GOSR1: variants seen among roughly 807,000 people sequenced by gnomAD.
GOSR1 encodes the protein 28 kDa Golgi SNARE protein.
In GOSR1, 21 loss-of-function variants were observed where a neutral mutation model predicts 35.5. That is an observed-to-expected ratio of 0.59 (90% confidence interval 0.42 to 0.85). GOSR1 has a LOEUF of 0.85. GOSR1 is among the 40% of genes least tolerant of loss of function. GOSR1 has a pLI of 0.00. For synonymous variants in GOSR1, 94 were observed against 106.6 expected, an observed-to-expected ratio of 0.88 and a Z score of 0.73; for missense variants, 285 against 309.6, an observed-to-expected ratio of 0.92 and a Z score of 0.60.
At chr17:30,492,279 T>C (rs889902745) in intron 5 of GOSR1, among the ~76,000 whole-genome samples, 1 of 152,230 alleles carries the variant, frequency 6.6e-6, no homozygotes, top group Non-Finnish European at 1.5e-5. Flanking sequence ...ACATATATTA[T>C]TGTGAAAGAA....
intron 6 of GOSR1, among the ~76,000 whole-genome samples, chr17:30,496,160 A>C (rs1295188924): frequency 6.6e-6 from 1 of 152,152 alleles, no homozygotes; most frequent in African/African-American, 2.4e-5. Flanking sequence ...TGTCCTGAGA[A>C]GGCCAATACG....
chr17:30,512,575 A>G (rs1471866568), intron 7 of GOSR1, among the ~76,000 whole-genome samples: 1 of 152,194 alleles, frequency 6.6e-6, no homozygotes, highest in Non-Finnish European at 1.5e-5. Flanking sequence ...GTCTTTTATA[A>G]CAGTAAGCCA....
At chr17:30,491,650 C>T (rs1915051493) in intron 5 of GOSR1, among the ~76,000 whole-genome samples, 2 of 151,488 alleles carry the variant, frequency 1.3e-5, no homozygotes, top group South Asian at 4.2e-4. Context: ...CAGAGCAAGA[C>T]TCTGTCTAAA....
intron 1 of GOSR1, chr17:30,480,189 C>A (rs964063940): frequency 7.9e-5 from 12 of 151,986 alleles, no homozygotes; most frequent in African/African-American, 2.9e-4. Context: ...TGCCTGTAGT[C>A]CCAGCTACTT....
intron 7 of GOSR1, among the ~76,000 whole-genome samples, chr17:30,511,399 A>G (rs1967608177): frequency 6.6e-6 from 1 of 152,218 alleles, no homozygotes. Context: ...GGTTTGATGA[A>G]TTTTAAAGTA....
At chr17:30,517,499 A>C (rs1041065463) in intron 7 of GOSR1, among the ~76,000 whole-genome samples, 2 of 152,216 alleles carry the variant, frequency 1.3e-5, no homozygotes, top group Admixed American at 1.3e-4. Flanking sequence ...TCGTGTTAAT[A>C]GAAATAATAC....
chr17:30,490,134 A>G lies in GOSR1; in HGVS notation c.351A>G (p.Thr117=), dbSNP rs369279587. Residue 117 remains threonine (T), a synonymous_variant, in exon 5 of 9, where the codon ACA becomes ACG. Transcript: ENST00000451249. ...QRHRDILQDY[T]HEFHKTKANF... ...ATGTTGATTTATTACAGGATTATAC[A>G]CATGAATTCCATAAAACCAAAGCAA... 5.5e-6 allele frequency: 8 copies of G among 1,461,260 alleles called. No homozygotes were observed. In the East Asian group the frequency reaches 1.8e-4, roughly 33 times the overall value. The allele number at this position is 1,461,260 out of a possible 1,614,324, so 90.5% of individuals were successfully genotyped here.
intron 6 of GOSR1, among the ~76,000 whole-genome samples, chr17:30,499,588 G>A (rs555120062): frequency 6.6e-6 from 1 of 152,256 alleles, no homozygotes; most frequent in South Asian, 2.1e-4. Flanking sequence ...TGATCCACCC[G>A]CCTTGGCCTC....
chr17:30,519,531 TTTATAA>T (rs1291894830), intron 7 of GOSR1, among the ~76,000 whole-genome samples: 3 of 152,196 alleles, frequency 2.0e-5, no homozygotes, highest in Non-Finnish European at 4.4e-5. Flanking sequence ...CTTTTCTATT[TTTATAA>T]TTATAATTCC....
intron 7 of GOSR1, among the ~76,000 whole-genome samples, chr17:30,516,455 G>A (rs1954373639): frequency 1.6e-5 from 2 of 121,370 alleles, no homozygotes; most frequent in African/African-American, 6.6e-5. Context: ...GGGTGACAGA[G>A]CAAGACTCCG....
intron 5 of GOSR1, among the ~76,000 whole-genome samples, chr17:30,491,766 A>AT (rs1310099295): frequency 1.3e-5 from 2 of 152,050 alleles, no homozygotes; most frequent in East Asian, 1.9e-4. Context: ...AATGTATTAT[A>AT]TTTTTTTGGC....
At chr17:30,517,122 A>G (rs895884649) in intron 7 of GOSR1, among the ~76,000 whole-genome samples, 1 of 152,184 alleles carries the variant, frequency 6.6e-6, no homozygotes, top group African/African-American at 2.4e-5. Flanking sequence ...GTGTGTGTGT[A>G]GCTTCAGATG....
At chr17:30,514,209 T>C (rs1024213357) in intron 7 of GOSR1, among the ~76,000 whole-genome samples, 38 of 152,332 alleles carry the variant, frequency 2.5e-4, no homozygotes, top group African/African-American at 9.1e-4. Context: ...TATTGTGTGG[T>C]TGACATCGCT....
In GOSR1 at chr17:30,522,270, A is replaced by G; in HGVS notation, c.639A>G (p.Val213=). 1 of 1,605,610 alleles carries G rather than the reference A, an allele frequency of 6.2e-7. No homozygotes were observed. The highest frequency in any genetic ancestry group is 8.5e-7 in the Non-Finnish European group (1 of 1,176,586). The change falls in exon 9 of 9, where the codon GTA becomes GTG. Residue 213 remains valine (V), a synonymous_variant. Coordinates refer to ENST00000451249, the MANE Select transcript of GOSR1 (RefSeq NM_001007025.2). ...MNTLANRFPA[V]NSLIQRINLR... ...TTCCCAAAGATCGTTTTCCTGCTGTAAACAGCCTGATCCAGAGGATCAACC... is the reference window on the plus strand; with the variant it reads ...TTCCCAAAGATCGTTTTCCTGCTGTGAACAGCCTGATCCAGAGGATCAACC...
chr17:30,507,386 G>A (rs749754057), intron 6 of GOSR1, among the ~76,000 whole-genome samples: 4 of 152,132 alleles, frequency 2.6e-5, no homozygotes, highest in African/African-American at 4.8e-5. Context: ...AAATAACTGC[G>A]GATGTGGCAG....
At chr17:30,510,973 AGTGTTACAGCT>A in intron 7 of GOSR1, 64 bp downstream of exon 7, 1 of 915,432 alleles carries the variant, frequency 1.1e-6, no homozygotes, top group South Asian at 1.4e-5. Flanking sequence ...TTTAATGAAC[AGTGTTACAGCT>A]GTTTTAGAAT....
At chr17:30,508,842 G>A (rs890146641) in intron 6 of GOSR1, among the ~76,000 whole-genome samples, 1 of 152,122 alleles carries the variant, frequency 6.6e-6, no homozygotes, top group Admixed American at 6.6e-5. Context: ...AGAAAACTGG[G>A]GCATGGAGAA....
At chr17:30,498,410 G>A (rs149394614) in intron 6 of GOSR1, among the ~76,000 whole-genome samples, 39 of 152,240 alleles carry the variant, frequency 2.6e-4, no homozygotes, top group East Asian at 3.9e-4. Context: ...ATGTGAATCG[G>A]TAGTTCCAGT....
chr17:30,477,473 G>T lies in GOSR1; in HGVS notation c.31+9G>T. On this transcript the variant is annotated intron_variant, in intron 1 of 8. Transcript: ENST00000451249. ...CAGCAGTTACTGGGAAGGTGAGGGC[G>T]AGAAGGCCTCCGGGTGCGTCCTACG... 6.2e-7 allele frequency: 1 copy of T among 1,607,392 alleles called. No homozygotes were observed.
Sources: allele counts gnomAD v4.1 joint callset (sites outside exome capture counted in the v4.1 genomes callset), GRCh38; gene constraint gnomAD v4.1.1; transcripts MANE v1.5; gene names NCBI Gene and HGNC (gene_info 2026-07-23, HGNC 2026-07-21).